The following MTA3 variants were observed in gnomAD, a reference collection of about 807,000 sequenced individuals.
MTA3 encodes metastasis-associated protein MTA3.
MTA3 carries 34 observed loss-of-function variants against 83.5 expected under a neutral mutation model. That is an observed-to-expected ratio of 0.41 (90% CI 0.31 to 0.54). MTA3 has a LOEUF of 0.54. MTA3 is among the 20% of genes least tolerant of loss of function. The probability of loss-of-function intolerance (pLI) is 0.33; values close to 1 mark genes in which losing one functional copy is unlikely to be tolerated. For synonymous variants in MTA3, 303 were observed against 252.7 expected (o/e 1.20, Z -1.89); for missense variants, 761 against 726.4 (o/e 1.05, Z -0.55).
At chr2:42,747,922 C>T (rs1447060510) in intron 16 of MTA3, among the ~76,000 whole-genome samples, 5 of 152,206 alleles carry the variant, frequency 3.3e-5, no homozygotes, top group Admixed American at 6.5e-5. Context: ...AGTTTTCTTG[C>T]ACCCCATTAT....
chr2:42,529,601 C>T lies in MTA3; in HGVS notation c.-141+34347C>T, dbSNP rs555953288. ...CCTCACTCCTCAGGTGATTGTGCCT[C>T]CCACGTGTTTTCTGTTTCCTTTGCA... On this transcript the variant is annotated intron_variant, in intron 2 of 17. Coordinates refer to the MTA3 transcript ENST00000405592. Among the ~76,000 whole-genome samples, 3 of 152,362 alleles carry T rather than the reference C, an allele frequency of 2.0e-5. No homozygotes were observed. In the South Asian group the frequency reaches 6.2e-4, roughly 32 times the overall value.
chr2:42,554,391 G>A (rs1677281383), intron 2 of MTA3, among the ~76,000 whole-genome samples: 1 of 152,200 alleles, frequency 6.6e-6, no homozygotes, highest in African/African-American at 2.4e-5. Context: ...GTTGAACTGA[G>A]TTGAACTGAT....
At chr2:42,642,246 C>T (rs537191248) in intron 5 of MTA3, among the ~76,000 whole-genome samples, 12 of 152,128 alleles carry the variant, frequency 7.9e-5, no homozygotes, top group African/African-American at 2.2e-4. Flanking sequence ...ACTTATATGA[C>T]CCAAATAATC....
At chr2:42,595,199 T>C (rs1237970324) in intron 3 of MTA3, among the ~76,000 whole-genome samples, 1 of 139,206 alleles carries the variant, frequency 7.2e-6, no homozygotes, top group Non-Finnish European at 1.5e-5. Context: ...AAGCTCCACT[T>C]CCCAGGTTCA....
At chr2:42,660,196 C>T (rs190922146) in intron 8 of MTA3, among the ~76,000 whole-genome samples, 1 of 152,040 alleles carries the variant, frequency 6.6e-6, no homozygotes, top group East Asian at 1.9e-4. Flanking sequence ...TCAAGTGATT[C>T]TCGTGCCTCA....
At chr2:42,600,682 A>T (rs1392793028) in intron 3 of MTA3, among the ~76,000 whole-genome samples, 6 of 151,754 alleles carry the variant, frequency 4.0e-5, no homozygotes, top group Non-Finnish European at 1.5e-5. Context: ...CTAGGATTAC[A>T]GGGATGCGCC....
chr2:42,558,158 A>C (rs1304530039), intron 2 of MTA3, among the ~76,000 whole-genome samples: 3 of 150,390 alleles, frequency 2.0e-5, no homozygotes, highest in African/African-American at 7.4e-5. Context: ...AATGCTCCCT[A>C]GTCTCTCTTT....
intron 16 of MTA3, among the ~76,000 whole-genome samples, chr2:42,735,560 G>C (rs762015773): frequency 1.2e-4 from 18 of 152,090 alleles, no homozygotes; most frequent in Non-Finnish European, 2.4e-4. Flanking sequence ...TCTACAATCT[G>C]TCCCTCTACT....
At chr2:42,718,809 C>T (rs141014211) in intron 14 of MTA3, among the ~76,000 whole-genome samples, 179 bp from the exon 15 acceptor site, 26 of 152,252 alleles carry the variant, frequency 1.7e-4, no homozygotes, top group Admixed American at 1.7e-3. Flanking sequence ...ATGTAAATCC[C>T]ATTTAGAAAT....
At position 42,711,019 on chromosome 2, in the gene MTA3, C is replaced by T. The variant is rs1390689521; in HGVS notation, c.1525+1923C>T. 2.0e-5 allele frequency among the ~76,000 whole-genome samples: 3 copies of T among 152,224 alleles called. No individual in the cohort carries two copies. In the South Asian group the frequency reaches 6.2e-4, roughly 32 times the overall value. ...ACTTGAACCTGGGAGGCAGAGGTTG[C>T]AGTGAGCTGAGATCATGCCACCGCA... On this transcript the variant is annotated intron_variant, in intron 14 of 16. Transcript: ENST00000405094.
intron 3 of MTA3, among the ~76,000 whole-genome samples, chr2:42,594,754 TCTCA>T (rs1681552866): frequency 1.9e-5 from 1 of 51,922 alleles, no homozygotes; most frequent in South Asian, 1.1e-3. Context: ...TGAGACAGAG[TCTCA>T]CTCTGTTGCC....
intron 2 of MTA3, among the ~76,000 whole-genome samples, chr2:42,510,969 A>G (rs1674871492): frequency 6.6e-6 from 1 of 152,196 alleles, no homozygotes; most frequent in Admixed American, 6.5e-5. Flanking sequence ...TACCAACATT[A>G]ATGAACCAAA....
At chr2:42,601,049 G>T (rs1347835343) in intron 3 of MTA3, among the ~76,000 whole-genome samples, 1 of 152,124 alleles carries the variant, frequency 6.6e-6, no homozygotes, top group Non-Finnish European at 1.5e-5. Flanking sequence ...TGGGACTATA[G>T]GCATGCGCCT....
chr2:42,677,423 A>C (rs972619720), intron 8 of MTA3, among the ~76,000 whole-genome samples: 2 of 152,058 alleles, frequency 1.3e-5, no homozygotes, highest in Non-Finnish European at 2.9e-5. Flanking sequence ...GCTCACTGCA[A>C]CTTCCGCCTC....
At chr2:42,629,940 G>A (rs577788188) in intron 4 of MTA3, among the ~76,000 whole-genome samples, 4 of 151,970 alleles carry the variant, frequency 2.6e-5, no homozygotes, top group South Asian at 4.2e-4. Context: ...CACCACACCC[G>A]GCTAACTTTT....
chr2:42,723,382 T>C, intron 16 of MTA3: 1 of 201,738 alleles, frequency 5.0e-6, no homozygotes, highest in South Asian at 1.1e-4. Flanking sequence ...TTTTGCCTTA[T>C]GTCTAAGACA....
At chr2:42,635,681 T>A (rs1687120858) in intron 4 of MTA3, among the ~76,000 whole-genome samples, 1 of 151,992 alleles carries the variant, frequency 6.6e-6, no homozygotes, top group South Asian at 2.1e-4. Flanking sequence ...GTAAAGTCAA[T>A]AAAAAAATGT....
chr2:42,707,239 T>C (rs1477160940), intron 12 of MTA3, among the ~76,000 whole-genome samples: 1 of 151,972 alleles, frequency 6.6e-6, no homozygotes, highest in Non-Finnish European at 1.5e-5. Flanking sequence ...AACGTGGATT[T>C]AGATTTTTTT....
At position 42,753,525 on chromosome 2, in the gene MTA3, A is replaced by T. The variant is rs1670036259; in HGVS notation, c.*126A>T. The T allele has an allele frequency of 6.6e-7, 1 of 1,504,994 alleles. No individual in the cohort carries two copies. The highest frequency in any genetic ancestry group is 1.3e-5 in the South Asian group (1 of 78,688). 93.2% of individuals were successfully genotyped at this position (1,504,994 alleles called of 1,614,324 possible). A position where few individuals can be genotyped will look rare whatever the true frequency, so the allele number is the denominator to read the frequency against. On this transcript the variant is annotated 3_prime_UTR_variant, in exon 17 of 17. Transcript: ENST00000405094. ...CAGTGGGAGACCTCTGCGTGCATCC[A>T]TGGAGACGCAATGGGGCGGGGAAGG...
Sources: gnomAD v4.1 joint callset for allele counts (sites outside exome capture counted in the v4.1 genomes callset) on GRCh38, gnomAD v4.1.1 for gene constraint, MANE v1.5 for transcripts, NCBI Gene and HGNC (gene_info 2026-07-23, HGNC 2026-07-21) for gene names.